CADPS: variants seen among roughly 807,000 people sequenced by gnomAD.
The protein encoded by CADPS is calcium dependent secretion activator, also known as calcium-dependent secretion activator 1.
In CADPS, 57 loss-of-function variants were observed where a neutral mutation model predicts 167.3. The observed-to-expected ratio is 0.34, with a 90% CI of 0.28 to 0.42. CADPS has a LOEUF of 0.42. Ranked by LOEUF, CADPS falls within the 20% of genes least tolerant of loss-of-function variation. The pLI is 1.00. For missense variants in CADPS, 1,414 were observed against 1,738.1 expected, an observed-to-expected ratio of 0.81 and a Z score of 3.32; for synonymous variants, 676 against 635.3, an observed-to-expected ratio of 1.06 and a Z score of -0.96.
chr3:62,859,644 C>G (rs1419294182), intron 1 of CADPS, among the ~76,000 whole-genome samples: 1 of 151,962 alleles, frequency 6.6e-6, no homozygotes, highest in Non-Finnish European at 1.5e-5. Context: ...GGAAAGAAGA[C>G]AGTAGAAAGA....
intron 1 of CADPS, among the ~76,000 whole-genome samples, chr3:62,837,351 A>G (rs1417923344): frequency 6.6e-6 from 1 of 152,182 alleles, no homozygotes; most frequent in Non-Finnish European, 1.5e-5. Context: ...CCCAACCCGC[A>G]TGGAGAACAC....
intron 29 of CADPS, among the ~76,000 whole-genome samples, chr3:62,400,299 C>G (rs946506925): frequency 6.6e-6 from 1 of 152,186 alleles, no homozygotes; most frequent in African/African-American, 2.4e-5. Context: ...CAAGTTCTTT[C>G]TTTGTTCCTT....
chr3:62,512,456 C>G (rs2068055362), intron 17 of CADPS, among the ~76,000 whole-genome samples: 1 of 152,054 alleles, frequency 6.6e-6, no homozygotes, highest in East Asian at 1.9e-4. Context: ...TTAAAAAATG[C>G]ACATGAGGCC....
chr3:62,621,293 G>A (rs946775287), intron 6 of CADPS, among the ~76,000 whole-genome samples: 3 of 151,984 alleles, frequency 2.0e-5, no homozygotes, highest in African/African-American at 2.4e-5. Flanking sequence ...ATGCTGGTCC[G>A]TGAAGCTGCT....
chr3:62,532,791 C>T (rs2073986752), intron 13 of CADPS, 80 bp downstream of exon 13: 1 of 1,298,396 alleles, frequency 7.7e-7, no homozygotes, highest in Non-Finnish European at 1.1e-6. Flanking sequence ...ACAGGCAGAT[C>T]CTAAAAGCAA....
At chr3:62,804,392 G>A (rs533121018) in intron 1 of CADPS, among the ~76,000 whole-genome samples, 4 of 152,184 alleles carry the variant, frequency 2.6e-5, no homozygotes, top group Admixed American at 6.6e-5. Context: ...TGCCAGGGGC[G>A]ATTCTGGGTA....
At chr3:62,537,719 C>T (rs1479150391) in intron 11 of CADPS, among the ~76,000 whole-genome samples, 2 of 151,758 alleles carry the variant, frequency 1.3e-5, no homozygotes, top group Non-Finnish European at 2.9e-5. Context: ...TGTGTGGCCT[C>T]AGTCCCAGGC....
chr3:62,642,520 A>G (rs2067628211), intron 6 of CADPS, among the ~76,000 whole-genome samples: 1 of 152,204 alleles, frequency 6.6e-6, no homozygotes, highest in African/African-American at 2.4e-5. Context: ...GCTTCAAAGA[A>G]AAGAGATGAT....
intron 3 of CADPS, among the ~76,000 whole-genome samples, chr3:62,749,236 C>G (rs2082174942): frequency 6.6e-6 from 1 of 152,194 alleles, no homozygotes; most frequent in South Asian, 2.1e-4. Flanking sequence ...TCTTGCTTTT[C>G]TCTTATCTTT....
At chr3:62,804,193 TTAATTCAAGGACCA>T (rs2152824136) in intron 1 of CADPS, among the ~76,000 whole-genome samples, 1 of 152,264 alleles carries the variant, frequency 6.6e-6, no homozygotes, top group Non-Finnish European at 1.5e-5. Context: ...TCTGTACTGC[TTAATTCAAGGACCA>T]CAATAAATAC....
rs1490432816 is a variant in CADPS at position 62,851,647 on chromosome 3, G to A, written c.441+22942C>T. Among the ~76,000 whole-genome samples, 8 of 142,518 alleles carry A rather than the reference G, an allele frequency of 5.6e-5. No individual in the cohort carries two copies. In the South Asian group the frequency reaches 1.5e-3, roughly 27 times the overall value. 93.5% of individuals were successfully genotyped at this position (142,518 alleles called of 152,430 possible). A position where few individuals can be genotyped will look rare whatever the true frequency, so the allele number is the denominator to read the frequency against. ...TAGGGTTTCTGCCGAGAGATCCGCT[G>A]TTAGTCTGATGGGCTTCCCTTTGAG... On this transcript the variant is annotated intron_variant, in intron 1 of 29. Transcript: ENST00000383710.
chr3:62,544,808 C>T lies in CADPS; in HGVS notation c.1966+5095G>A. 1 of 1,095,630 alleles carries T rather than the reference C, an allele frequency of 9.1e-7. No homozygotes were observed. The highest frequency in any genetic ancestry group is 1.1e-6 in the Non-Finnish European group (1 of 872,294). The allele number at this position is 1,095,630 out of a possible 1,614,324, so 67.9% of individuals were successfully genotyped here. A position where few individuals can be genotyped will look rare whatever the true frequency, so the allele number is the denominator to read the frequency against. On this transcript the variant is annotated intron_variant, in intron 11 of 29. Coordinates refer to ENST00000383710, the MANE Select transcript of CADPS (RefSeq NM_003716.4). The surrounding 1 kb of genome is among the most constrained non-coding windows in gnomAD (Gnocchi z 4.4). The stretch of plus-strand genomic sequence containing the variant: ...CATTGCAGGTGTCAGATAATCTAAT[C>T]TGATTATCTGAGCTGTGCTAGCTAT...
At chr3:62,515,174 G>A (rs183121442) in intron 16 of CADPS, among the ~76,000 whole-genome samples, 139 of 152,194 alleles carry the variant, frequency 9.1e-4, no homozygotes, top group African/African-American at 3.1e-3. Context: ...CAGACAATGC[G>A]CATTTGCTAG....
intron 6 of CADPS, among the ~76,000 whole-genome samples, chr3:62,603,389 A>G (rs1265241661): frequency 2.0e-5 from 3 of 152,248 alleles, no homozygotes; most frequent in Admixed American, 1.3e-4. Context: ...GACCAAGTCC[A>G]TCTTACTTAT....
chr3:62,447,560 T>C (rs1393703648), intron 26 of CADPS, among the ~76,000 whole-genome samples: 2 of 152,078 alleles, frequency 1.3e-5, no homozygotes, highest in African/African-American at 4.8e-5. Flanking sequence ...GAAAGGAAAC[T>C]CAGGGAAAAT....
At chr3:62,439,246 G>A (rs549770663) in intron 27 of CADPS, 1 of 152,266 alleles carries the variant, frequency 6.6e-6, no homozygotes, top group East Asian at 1.9e-4. Flanking sequence ...ACTGTAAATT[G>A]AAGTTAGTTA....
rs2054810786 is a variant in CADPS at position 62,435,476 on chromosome 3, GC to G, written c.3777+2627del. On this transcript the variant is annotated intron_variant, in intron 28 of 29. Coordinates refer to ENST00000383710, the MANE Select transcript of CADPS (RefSeq NM_003716.4). ...ATTACTAAGGCTGCATGGTAATGAA[GC>G]TTTTCGAGAAGCTCTGGGTTTTTAA... Among the ~76,000 whole-genome samples, 3 of 152,180 alleles carry G rather than the reference GC, an allele frequency of 2.0e-5. No individual in the cohort carries two copies. The South Asian group carries it at 6.2e-4, about 32-fold the overall frequency.
rs116645888 is a variant in CADPS at position 62,692,374 on chromosome 3, T to C, written c.889-29980A>G. 9.9e-3 allele frequency among the ~76,000 whole-genome samples: 861 copies of C among 87,122 alleles called. 10 individuals are homozygous for C. Among genetic ancestry groups the C allele is most frequent in the African/African-American group, 0.036 (810 of 22,250 alleles). The allele number at this position is 87,122 out of a possible 152,430, so 57.2% of individuals were successfully genotyped here. The stretch of plus-strand genomic sequence containing the variant: ...CAGAGAAAGCAAATGCCTTGCACAC[T>C]TATGAGTACGGTTTTTTCCTGAATA... On this transcript the variant is annotated intron_variant, in intron 3 of 29. Coordinates refer to ENST00000383710, the MANE Select transcript of CADPS (RefSeq NM_003716.4).
rs963941014 is a variant in CADPS at position 62,875,091 on chromosome 3, G to A, written c.-62C>T. 4.1e-6 allele frequency: 6 copies of A among 1,480,748 alleles called. No individual in the cohort carries two copies. Among genetic ancestry groups the A allele is most frequent in the East Asian group, 5.8e-5 (2 of 34,666 alleles). The allele number at this position is 1,480,748 out of a possible 1,614,324, so 91.7% of individuals were successfully genotyped here. ...GCTTGGAGTGCAAAAGGTGGGGGGC[G>A]CTGGAGGCAGCCGGGGATCAGCTCT... On this transcript the variant is annotated 5_prime_UTR_variant, in exon 1 of 30. Transcript: ENST00000383710.
Sources: allele counts gnomAD v4.1 joint callset (sites outside exome capture counted in the v4.1 genomes callset), GRCh38; gene constraint gnomAD v4.1.1; non-coding constraint Gnocchi (gnomAD v3.1); transcripts MANE v1.5; gene names NCBI Gene and HGNC (gene_info 2026-07-23, HGNC 2026-07-21).